PNPLA6: variants seen among roughly 807,000 people sequenced by gnomAD.
The protein encoded by PNPLA6 is patatin-like phospholipase domain-containing protein 6.
A neutral mutation model predicts 153.7 loss-of-function variants in PNPLA6; 105 were observed. The ratio of observed to expected loss-of-function variants is 0.68; its 90% CI spans 0.58 to 0.80. The LOEUF is 0.80. Among genes scored for constraint, PNPLA6 ranks in the 30% least tolerant of loss-of-function variants. The pLI is 0.00. For missense variants in PNPLA6, 1,423 were observed against 1,919.3 expected, an observed-to-expected ratio of 0.74 and a Z score of 4.83; for synonymous variants, 825 against 822.2, an observed-to-expected ratio of 1.00 and a Z score of -0.06.
chr19:7,548,712 T>C (rs2023494627), intron 13 of PNPLA6, among the ~76,000 whole-genome samples: 1 of 74,312 alleles, frequency 1.3e-5, no homozygotes, highest in African/African-American at 5.1e-5. Context: ...AACATATATA[T>C]ATATATACAC....
rs143060121 is a variant in PNPLA6 at position 7,561,541 on chromosome 19, C to T, written c.4077C>T (p.Pro1359=). Residue 1359 remains proline, a synonymous_variant, in exon 32 of 32, where the codon CCC becomes CCT. Coordinates refer to ENST00000600737, the MANE Select transcript of PNPLA6 (RefSeq NM_001166114.2). ...RQRRCLPQEP[P]GSATDA ...GACGCTGTCTGCCCCAGGAGCCGCC[C>T]GGCTCAGCCACAGATGCCTGAGGAC... The T allele has an allele frequency of 8.5e-5, 136 of 1,605,802 alleles. No homozygotes were observed. Among genetic ancestry groups the T allele is most frequent in the Non-Finnish European group, 1.0e-4 (122 of 1,177,406 alleles).
chr19:7,534,368 C>T (rs1198378576), upstream of PNPLA6: 1 of 173,678 alleles, frequency 5.8e-6, no homozygotes, highest in Non-Finnish European at 1.3e-5. Flanking sequence ...ATACCCCCCA[C>T]GTCTCGGCAG....
Position 7,536,442 on chromosome 19 carries a change from C to A in PNPLA6, c.316-7C>A. On this transcript the variant is annotated splice_polypyrimidine_tract_variant and splice_region_variant and intron_variant, in intron 2 of 31. Coordinates refer to ENST00000600737, the MANE Select transcript of PNPLA6 (RefSeq NM_001166114.2). Reference sequence around the variant, plus strand: ...CAATTCACCCATCTCCGCCTTCATTCTCCCAGGTGTCACAATCCACCTCCT... The same window carrying A: ...CAATTCACCCATCTCCGCCTTCATTATCCCAGGTGTCACAATCCACCTCCT... The A allele has an allele frequency of 6.2e-7, 1 of 1,602,836 alleles. No homozygotes were observed. The highest frequency in any genetic ancestry group is 2.2e-5 in the East Asian group (1 of 44,810).
In PNPLA6 at chr19:7,536,077, G is replaced by A; in HGVS notation, c.232+57G>A. The A allele has an allele frequency of 3.2e-6, 5 of 1,577,800 alleles. No homozygotes were observed. The East Asian group carries it at 6.8e-5, about 22-fold the overall frequency. Reference sequence around the variant, plus strand: ...TGTATGGTGGGGGGCCCAAATGCCCGGGTCCCGAGGCGGCAGAGATGGGGA... The same window carrying A: ...TGTATGGTGGGGGGCCCAAATGCCCAGGTCCCGAGGCGGCAGAGATGGGGA... On this transcript the variant is annotated intron_variant, in intron 1 of 31. Transcript: ENST00000600737.
rs755300288 is a variant in PNPLA6, at chr19:7,539,972, C to A, written c.468C>A (p.Pro156=). ...TPTLQRKEPP[P]AVLEADLTEG... ...CGCTGCAGCGGAAGGAGCCCCCGCC[C>A]GCAGTGCTAGAAGCTGACCTGACCG... Residue 156 remains proline (P), a synonymous_variant, in exon 4 of 32, where the codon CCC becomes CCA. Coordinates refer to ENST00000600737, the MANE Select transcript of PNPLA6 (RefSeq NM_001166114.2). 1 of 1,579,726 alleles carries A rather than the reference C, an allele frequency of 6.3e-7. No homozygotes were observed. Among genetic ancestry groups the A allele is most frequent in the East Asian group, 2.3e-5 (1 of 42,936 alleles).
chr19:7,541,572 C>T lies in PNPLA6; in HGVS notation c.1056C>T (p.Thr352=), dbSNP rs759971785. The part of the protein sequence containing the change: ...LFPSPGLPTR[T]SPVRGSKRMV... Reference sequence around the variant, plus strand: ...CCAGCCCCGGCCTCCCAACTCGCACCAGCCCTGTGCGGGGCTCCAAGAGAA... The same window carrying T: ...CCAGCCCCGGCCTCCCAACTCGCACTAGCCCTGTGCGGGGCTCCAAGAGAA... The change falls in exon 9 of 32, where the codon ACC becomes ACT. Residue 352 remains threonine (T), a synonymous_variant. Transcript: ENST00000600737. This position sits in a 1 kb window ranked among gnomAD's most constrained non-coding sequence, Gnocchi z 5.2. The T allele has an allele frequency of 3.5e-5, 56 of 1,598,198 alleles. No homozygotes were observed. The African/African-American group carries it at 7.0e-4, about 20-fold the overall frequency.
chr19:7,559,262 C>A, intron 28 of PNPLA6, 111 bp downstream of exon 28: 1 of 904,700 alleles, frequency 1.1e-6, no homozygotes, highest in East Asian at 2.5e-5. Context: ...CCAGGAATCC[C>A]ATCTGGAATC....
Position 7,535,931 on chromosome 19 carries a change from A to T in PNPLA6, c.143A>T (p.Gln48Leu). 1 of 1,580,358 alleles carries T rather than the reference A, an allele frequency of 6.3e-7. No homozygotes were observed. The highest frequency in any genetic ancestry group is 8.6e-7 in the Non-Finnish European group (1 of 1,168,686). ...CGAQPVPFVP[Q>L]VLGVMIGAGV... ...GCGCAGCCAGTGCCGTTCGTCCCTC[A>T]GGTGCTTGGCGTGATGATCGGGGCC... Residue 48 changes from glutamine (Q) to leucine (L), a missense_variant, in exon 1 of 32, where the codon CAG becomes CTG. By Grantham distance (113) the Gln-to-Leu change is moderately radical. Coordinates refer to ENST00000600737, the MANE Select transcript of PNPLA6 (RefSeq NM_001166114.2). This position sits in a 1 kb window ranked among gnomAD's most constrained non-coding sequence, Gnocchi z 5.0.
At position 7,558,981 on chromosome 19, in the gene PNPLA6, T is replaced by A. The variant is rs376279726; in HGVS notation, c.3529T>A (p.Trp1177Arg). The change falls in exon 28 of 32, where the codon TGG becomes AGG. Residue 1177 changes from tryptophan to arginine, a missense_variant. By Grantham distance (101) the Trp-to-Arg change is moderately radical. This residue lies in a region of PNPLA6 where 643 missense variants were observed against 835.2 expected (regional missense o/e 0.77). Transcript: ENST00000600737. Reference sequence around the variant, plus strand: ...GCTGCTGTGGAAGCGGCTGAATCCCTGGGCTGACAAGGTAAAGGTTCCAGA... The same window carrying A: ...GCTGCTGTGGAAGCGGCTGAATCCCAGGGCTGACAAGGTAAAGGTTCCAGA... ...WWLLWKRLNPWADKVKVPDMA... is the reference protein window; with the variant it reads ...WWLLWKRLNPRADKVKVPDMA... 1.2e-6 allele frequency: 2 copies of A among 1,614,102 alleles called. No individual in the cohort carries two copies. The highest frequency in any genetic ancestry group is 1.7e-6 in the Non-Finnish European group (2 of 1,180,052).
Position 7,535,871 on chromosome 19 carries a change from C to A in PNPLA6, c.83C>A (p.Ala28Glu). Reference protein sequence around the residue: ...AERDGFQDVLAPGEGSAGRIC... With the variant: ...AERDGFQDVLEPGEGSAGRIC... Reference sequence around the variant, plus strand: ...AGGGATGGGTTCCAGGACGTCCTGGCGCCCGGGGAAGGCTCGGCGGGACGG... The same window carrying A: ...AGGGATGGGTTCCAGGACGTCCTGGAGCCCGGGGAAGGCTCGGCGGGACGG... The change falls in exon 1 of 32, where the codon GCG (alanine) becomes GAG (glutamate). Residue 28 changes from alanine to glutamate, a missense_variant. Physicochemically the swap from Ala to Glu is moderately radical, Grantham distance 107. Transcript: ENST00000600737. The surrounding 1 kb of genome is among the most constrained non-coding windows in gnomAD (Gnocchi z 5.0). 6.5e-7 allele frequency: 1 copy of A among 1,541,184 alleles called. No homozygotes were observed. The highest frequency in any genetic ancestry group is 8.7e-7 in the Non-Finnish European group (1 of 1,148,766).
intron 13 of PNPLA6, among the ~76,000 whole-genome samples, chr19:7,549,222 T>A (rs1204624865): frequency 1.2e-4 from 17 of 146,258 alleles, no homozygotes; most frequent in East Asian, 8.2e-4. Context: ...AGTCTCGCTC[T>A]GTCGCCCACG....
At chr19:7,547,123 T>G (rs189551326) in intron 13 of PNPLA6, among the ~76,000 whole-genome samples, 1 of 152,334 alleles carries the variant, frequency 6.6e-6, no homozygotes. Context: ...CAGGCTGGTC[T>G]TGAACTCCTG....
intron 13 of PNPLA6, among the ~76,000 whole-genome samples, chr19:7,547,818 T>A (rs2023451138): frequency 6.0e-4 from 4 of 6,690 alleles, no homozygotes; most frequent in African/African-American, 5.6e-3. Flanking sequence ...AAAATTTTTT[T>A]TTTTTTTTTT....
chr19:7,557,088 C>A, intron 26 of PNPLA6, 80 bp from the exon 27 acceptor site: 1 of 1,060,474 alleles, frequency 9.4e-7, no homozygotes, highest in Non-Finnish European at 1.5e-6. Context: ...CCCAGGTCAG[C>A]GAGCCCATCG....
chr19:7,550,453 A>G (rs2023593271), intron 15 of PNPLA6, 24 bp downstream of exon 15: 2 of 1,611,996 alleles, frequency 1.2e-6, no homozygotes, highest in Non-Finnish European at 1.7e-6. Context: ...CGCGCTGCTC[A>G]GGCCCGGCCT....
chr19:7,543,303 G>A (rs1345952287), intron 13 of PNPLA6, among the ~76,000 whole-genome samples: 1 of 151,164 alleles, frequency 6.6e-6, no homozygotes, highest in Non-Finnish European at 1.5e-5. Flanking sequence ...CTTCACCTGT[G>A]ACCCCTGAAC....
chr19:7,550,736 A>C (rs555728390), intron 16 of PNPLA6, 96 bp downstream of exon 16: 1 of 1,481,962 alleles, frequency 6.7e-7, no homozygotes, highest in African/African-American at 1.4e-5. Flanking sequence ...GGAGTGGTGA[A>C]TGCAGCTCCC....
rs773365134 is a variant in PNPLA6, at chr19:7,541,655, C to A, written c.1139C>A (p.Pro380His). 6.3e-7 allele frequency: 1 copy of A among 1,578,782 alleles called. No homozygotes were observed. The highest frequency in any genetic ancestry group is 1.8e-5 in the Admixed American group (1 of 55,098). Reference sequence around the variant, plus strand: ...GAGACCCCAGGGCGGCCACCCGATCCCACCGGGGCCCCGCTGCCTGGACCT... The same window carrying A: ...GAGACCCCAGGGCGGCCACCCGATCACACCGGGGCCCCGCTGCCTGGACCT... ...PRETPGRPPDPTGAPLPGPTG... is the reference protein window; with the variant it reads ...PRETPGRPPDHTGAPLPGPTG... The change falls in exon 9 of 32, where the codon CCC becomes CAC. Residue 380 changes from proline (P) to histidine (H), a missense_variant. By Grantham distance (77) the Pro-to-His change is moderately conservative (BLOSUM62 -2). Around this residue, in one of 10 missense-constraint regions of PNPLA6, gnomAD observed 267 missense variants for 255.1 expected, o/e 1.05. Transcript: ENST00000600737. The surrounding 1 kb of genome is among the most constrained non-coding windows in gnomAD (Gnocchi z 5.2).
chr19:7,538,750 G>A (rs115633155), intron 3 of PNPLA6, among the ~76,000 whole-genome samples: 1,606 of 152,310 alleles, frequency 0.011, 33 homozygotes, highest in African/African-American at 0.037. Flanking sequence ...TCTATCTCAG[G>A]AATGTTTATG....
Sources: allele counts gnomAD v4.1 joint callset (sites outside exome capture counted in the v4.1 genomes callset), GRCh38; gene constraint gnomAD v4.1.1; regional missense constraint gnomAD v4.1.1; non-coding constraint Gnocchi (gnomAD v3.1); transcripts MANE v1.5; gene names NCBI Gene and HGNC (gene_info 2026-07-23, HGNC 2026-07-21).